Variants in TENM3 observed in about 807,000 individuals in gnomAD.
The protein encoded by TENM3 is teneurin-3.
Under a neutral mutation model 255.1 loss-of-function variants are expected in TENM3, and 63 were observed. The ratio of observed to expected loss-of-function variants is 0.25; its 90% confidence interval spans 0.20 to 0.30. The LOEUF is 0.30. Ranked by LOEUF, TENM3 falls within the 10% of genes least tolerant of loss-of-function variation. The pLI, the probability that TENM3 is intolerant of heterozygous loss-of-function variation, is 1.00. For synonymous variants in TENM3, 1,306 were observed against 1,322.3 expected (o/e 0.99, Z 0.27); for missense variants, 2,929 against 3,461.1 (o/e 0.85, Z 3.86).
chr4:181,775,596 A>T, the TENM3 span, among the ~76,000 whole-genome samples: 1 of 152,166 alleles, frequency 6.6e-6, no homozygotes, highest in Middle Eastern at 3.2e-3. Flanking sequence ...TAAATTATCA[A>T]ACAGGAAGAA....
At chr4:181,522,946 A>G in the TENM3 span, 2 of 737,878 alleles carry the variant, frequency 2.7e-6, no homozygotes, top group African/African-American at 1.7e-5. Flanking sequence ...AGAATGGCAA[A>G]GTATGAGAAG....
the TENM3 span, among the ~76,000 whole-genome samples, chr4:181,477,297 T>C: frequency 7.2e-5 from 11 of 152,144 alleles, no homozygotes; most frequent in Non-Finnish European, 1.3e-4. Context: ...GATCTCTTAT[T>C]TGAGATCTCT....
At chr4:181,872,019 T>G in the TENM3 span, among the ~76,000 whole-genome samples, 1 of 152,132 alleles carries the variant, frequency 6.6e-6, no homozygotes, top group Non-Finnish European at 1.5e-5. Flanking sequence ...GGTTTCTATA[T>G]TTTCTTGAAA....
chr4:182,058,945 CGTGTGTGTGTGTGT>C, the TENM3 span, among the ~76,000 whole-genome samples: 1 of 139,028 alleles, frequency 7.2e-6, no homozygotes, highest in Non-Finnish European at 1.6e-5. Context: ...AGTCATAGCT[CGTGTGTGTGTGTGT>C]GTGTGTGTGT....
chr4:182,189,360 G>C (rs6851771), intron 1 of TENM3, among the ~76,000 whole-genome samples: 15,170 of 152,058 alleles, frequency 0.1, 984 homozygotes, highest in African/African-American at 0.19. Context: ...GTGAAGCACA[G>C]ACTCCATAAT....
the TENM3 span, among the ~76,000 whole-genome samples, chr4:181,796,647 G>T: frequency 6.6e-6 from 1 of 152,272 alleles, no homozygotes; most frequent in East Asian, 1.9e-4. Context: ...TCAGCAGGAT[G>T]ACATCATTAC....
At chr4:182,262,772 G>A (rs1758905564) in intron 1 of TENM3, among the ~76,000 whole-genome samples, 1 of 143,696 alleles carries the variant, frequency 7.0e-6, no homozygotes, top group African/African-American at 2.6e-5. Context: ...GGAATGCAGT[G>A]GCCTGATCTC....
At chr4:181,826,780 A>ATCCCGGCAAAGGTATTCTTTAAAAGC in the TENM3 span, among the ~76,000 whole-genome samples, 1 of 152,192 alleles carries the variant, frequency 6.6e-6, no homozygotes, top group Non-Finnish European at 1.5e-5. Context: ...ATGGGGTGAG[A>ATCCCGGCAAAGGTATTCTTTAAAAGC]TCCCGGCAAA....
At chr4:181,860,983 G>T in the TENM3 span, among the ~76,000 whole-genome samples, 1 of 151,714 alleles carries the variant, frequency 6.6e-6, no homozygotes, top group East Asian at 1.9e-4. Flanking sequence ...TCACAAACAG[G>T]GGTTGATATC....
the TENM3 span, among the ~76,000 whole-genome samples, chr4:181,959,863 G>A: frequency 6.6e-6 from 1 of 152,112 alleles, no homozygotes; most frequent in Non-Finnish European, 1.5e-5. Context: ...ATATAAAATA[G>A]ACATTAAGAA....
At chr4:181,855,894 A>G in the TENM3 span, among the ~76,000 whole-genome samples, 12 of 150,036 alleles carry the variant, frequency 8.0e-5, no homozygotes, top group Non-Finnish European at 1.6e-4. Context: ...AGGAGGTAGG[A>G]AGGAAGAAGG....
the TENM3 span, among the ~76,000 whole-genome samples, chr4:181,943,820 T>G: frequency 1.4e-4 from 22 of 152,180 alleles, no homozygotes; most frequent in African/African-American, 4.8e-4. Flanking sequence ...TTATTCAATT[T>G]TTTGGTCTGA....
At chr4:182,071,834 CT>C in the TENM3 span, among the ~76,000 whole-genome samples, 1 of 152,152 alleles carries the variant, frequency 6.6e-6, no homozygotes, top group African/African-American at 2.4e-5. Context: ...AATCACTTCT[CT>C]TTTTTGGCCA....
upstream of TENM3, among the ~76,000 whole-genome samples, chr4:182,238,613 G>C (rs1757037458): frequency 6.6e-6 from 1 of 152,152 alleles, no homozygotes; most frequent in African/African-American, 2.4e-5. Context: ...GGCAGTGACG[G>C]GCAGACAGCA....
intron 3 of TENM3, among the ~76,000 whole-genome samples, chr4:182,457,461 CTATTT>C (rs996627125): frequency 6.8e-6 from 1 of 147,172 alleles, no homozygotes; most frequent in Non-Finnish European, 1.5e-5. Flanking sequence ...TTTATGATCT[CTATTT>C]TAAAGATATG....
the TENM3 span, among the ~76,000 whole-genome samples, chr4:182,107,368 C>T: frequency 6.6e-6 from 1 of 152,300 alleles, no homozygotes; most frequent in African/African-American, 2.4e-5. Context: ...GGTTTTACGC[C>T]CCGGGTGTCA....
At chr4:181,584,704 T>A in the TENM3 span, among the ~76,000 whole-genome samples, 1 of 152,154 alleles carries the variant, frequency 6.6e-6, no homozygotes, top group East Asian at 1.9e-4. Context: ...CTCTAACAAT[T>A]TTCATCCTAT....
the TENM3 span, chr4:181,522,598 C>G: frequency 2.2e-6 from 1 of 456,198 alleles, no homozygotes; most frequent in South Asian, 2.2e-5. Context: ...AATAGATAGA[C>G]AAATCCAGCA....
chr4:181,658,644 C>T, the TENM3 span, among the ~76,000 whole-genome samples: 6 of 152,268 alleles, frequency 3.9e-5, no homozygotes, highest in Admixed American at 2.6e-4. Context: ...TTCCGTAGCA[C>T]GATGGAGCAG....
Sources: gnomAD v4.1 joint callset for allele counts (sites outside exome capture counted in the v4.1 genomes callset) on GRCh38, gnomAD v4.1.1 for gene constraint, MANE v1.5 for transcripts, NCBI Gene and HGNC (gene_info 2026-07-23, HGNC 2026-07-21) for gene names.